RABGEF1: variants seen among roughly 807,000 people sequenced by gnomAD.
The protein encoded by RABGEF1 is RAB guanine nucleotide exchange factor 1.
Under a neutral mutation model 57.3 loss-of-function variants are expected in RABGEF1, and 26 were observed. The observed-to-expected ratio is 0.45, with a 90% CI of 0.33 to 0.63. The LOEUF is 0.63. RABGEF1 is among the 20% of genes least tolerant of loss of function. The pLI, the probability that RABGEF1 is intolerant of heterozygous loss-of-function variation, is 0.02. For synonymous variants in RABGEF1, 185 were observed against 210.7 expected (o/e 0.88, Z 1.06); for missense variants, 464 against 607.6 (o/e 0.76, Z 2.48).
At chr7:66,673,102 C>G in the RABGEF1 span, among the ~76,000 whole-genome samples, 5 of 137,932 alleles carry the variant, frequency 3.6e-5, no homozygotes, top group South Asian at 1.2e-3. Context: ...CAGGTGGCCA[C>G]AGCTAGAGAG....
In RABGEF1 at chr7:66,806,983, G is replaced by A. The variant is rs116913953; in HGVS notation, c.1077+1587G>A. Among the ~76,000 whole-genome samples, 260 of 152,252 alleles carry A rather than the reference G, an allele frequency of 1.7e-3. No individual in the cohort carries two copies. The East Asian group carries it at 0.023, about 14-fold the overall frequency. On this transcript the variant is annotated intron_variant, in intron 8 of 8. Transcript: ENST00000284957. The stretch of plus-strand genomic sequence containing the variant: ...ATAAATGAAACATACACTTGCCTAC[G>A]AGGGAAGAGCGTTTTGGATTCAGTT...
At chr7:66,745,008 T>C (rs528149128) in intron 1 of RABGEF1, among the ~76,000 whole-genome samples, 27 of 151,868 alleles carry the variant, frequency 1.8e-4, no homozygotes, top group Admixed American at 3.9e-4. Flanking sequence ...CTGGCTAACA[T>C]GGTAAAACCC....
chr7:66,796,996 A>G, intron 5 of RABGEF1: 4 of 397,686 alleles, frequency 1.0e-5, no homozygotes, highest in East Asian at 7.5e-5. Context: ...CTGTGTAGAC[A>G]GTGCTATGAA....
At chr7:66,788,809 G>T (rs1811858785) in intron 4 of RABGEF1, among the ~76,000 whole-genome samples, 1 of 152,030 alleles carries the variant, frequency 6.6e-6, no homozygotes, top group Non-Finnish European at 1.5e-5. Context: ...CAAAAAATTA[G>T]CTGGGCGTGG....
the RABGEF1 span, among the ~76,000 whole-genome samples, chr7:66,670,401 G>A: frequency 6.8e-6 from 1 of 147,378 alleles, no homozygotes; most frequent in Non-Finnish European, 1.5e-5. Flanking sequence ...CATATTGATG[G>A]AATTTAATAA....
the RABGEF1 span, among the ~76,000 whole-genome samples, chr7:66,666,502 C>A: frequency 6.6e-6 from 1 of 152,198 alleles, no homozygotes; most frequent in African/African-American, 2.4e-5. Flanking sequence ...CCACCGCACA[C>A]CCCCTCTGTG....
chr7:66,678,314 C>G (rs1281571323), upstream of RABGEF1, among the ~76,000 whole-genome samples: 3 of 151,944 alleles, frequency 2.0e-5, no homozygotes, highest in East Asian at 3.9e-4. Flanking sequence ...GCCTGTAATT[C>G]CAGCACTTTG....
At chr7:66,730,919 C>T (rs749203296) in intron 2 of RABGEF1, among the ~76,000 whole-genome samples, 5 of 152,138 alleles carry the variant, frequency 3.3e-5, no homozygotes, top group Non-Finnish European at 5.9e-5. Context: ...CCCCACTTTT[C>T]AGAGGGAGGC....
intron 1 of RABGEF1, among the ~76,000 whole-genome samples, chr7:66,743,833 G>T (rs1360329887): frequency 6.6e-6 from 1 of 151,926 alleles, no homozygotes; most frequent in African/African-American, 2.4e-5. Context: ...ATCCTTGTAT[G>T]TTTCCCAGGG....
chr7:66,797,827 G>A (rs553022494), intron 6 of RABGEF1, among the ~76,000 whole-genome samples: 1 of 152,150 alleles, frequency 6.6e-6, no homozygotes, highest in Non-Finnish European at 1.5e-5. Context: ...TGTGAATATC[G>A]GTATCAAGGC....
rs1385884327 is a variant in RABGEF1, at chr7:66,734,203, G to A, written c.-814-5793G>A. Among the ~76,000 whole-genome samples the A allele has an allele frequency of 1.3e-5, 2 of 152,100 alleles. 1 individual carries two copies. The highest frequency in any genetic ancestry group is 4.1e-4 in the South Asian group (2 of 4,824). ...AGCCATGCCCCAAACCACAGAGTCC[G>A]GGGGCAGCTGATGGGACCTGGGAGG... is the stretch of plus-strand genomic sequence containing the variant. On this transcript the variant is annotated intron_variant and NMD_transcript_variant, in intron 2 of 9. Transcript: ENST00000607882.
the RABGEF1 span, among the ~76,000 whole-genome samples, chr7:66,670,077 C>G: frequency 6.6e-6 from 1 of 152,096 alleles, no homozygotes; most frequent in Admixed American, 6.6e-5. Context: ...CTTCTTAAAC[C>G]GCCCCTTTCC....
chr7:66,784,860 T>G (rs1297207812), intron 4 of RABGEF1, among the ~76,000 whole-genome samples: 1 of 152,212 alleles, frequency 6.6e-6, no homozygotes. Flanking sequence ...GTTATTGTTT[T>G]TTTTTTAAGT....
In RABGEF1 at chr7:66,715,083, C is replaced by A. The variant is rs1033268856; in HGVS notation, c.-815+2859C>A. ...TCTCTTTTTCCTTCTCTTTCTCTTT[C>A]TCCTCCTTCTCCTCTCCTCCTCCTC... is the stretch of plus-strand genomic sequence containing the variant. On this transcript the variant is annotated intron_variant and NMD_transcript_variant, in intron 2 of 9. Coordinates refer to the RABGEF1 transcript ENST00000607882. Among the ~76,000 whole-genome samples the A allele has an allele frequency of 3.0e-4, 45 of 151,490 alleles. 1 individual carries two copies. Among genetic ancestry groups the A allele is most frequent in the African/African-American group, 1.0e-3 (43 of 41,180 alleles).
the RABGEF1 span, among the ~76,000 whole-genome samples, chr7:66,663,825 G>T: frequency 6.6e-6 from 1 of 152,284 alleles, no homozygotes; most frequent in African/African-American, 2.4e-5. Flanking sequence ...TGTAATCCCA[G>T]CACTTTGGGA....
intron 4 of RABGEF1, among the ~76,000 whole-genome samples, chr7:66,790,934 CTT>C (rs1029844216): frequency 6.6e-6 from 1 of 152,200 alleles, no homozygotes; most frequent in African/African-American, 2.4e-5. Flanking sequence ...AACAAAATGT[CTT>C]TGGGAATTCT....
chr7:66,719,526 T>A (rs1795774984), intron 2 of RABGEF1, among the ~76,000 whole-genome samples: 1 of 152,210 alleles, frequency 6.6e-6, no homozygotes, highest in Non-Finnish European at 1.5e-5. Flanking sequence ...ATCTTTCTGA[T>A]AAAAATTTCA....
At chr7:66,731,963 T>C in intron 2 of RABGEF1, among the ~76,000 whole-genome samples, 1 of 151,908 alleles carries the variant, frequency 6.6e-6, no homozygotes, top group East Asian at 1.9e-4. Context: ...CCAGGGCCCA[T>C]GGGGGAAGGC....
intron 1 of RABGEF1, among the ~76,000 whole-genome samples, chr7:66,702,059 A>C (rs1383674016): frequency 1.3e-5 from 2 of 152,166 alleles, no homozygotes; most frequent in Non-Finnish European, 2.9e-5. Flanking sequence ...TCACTCCCCA[A>C]TCTCCCATTT....
Sources: gnomAD v4.1 joint callset for allele counts (sites outside exome capture counted in the v4.1 genomes callset) on GRCh38, gnomAD v4.1.1 for gene constraint, MANE v1.5 for transcripts, NCBI Gene and HGNC (gene_info 2026-07-23, HGNC 2026-07-21) for gene names.